Variants in DYNC2I2 observed in about 807,000 individuals in gnomAD.
DYNC2I2 encodes the protein cytoplasmic dynein 2 intermediate chain 2.
In DYNC2I2, 39 loss-of-function variants were observed where a neutral mutation model predicts 52.0. The observed-to-expected ratio is 0.75, with a 90% CI of 0.58 to 0.98. DYNC2I2 has a LOEUF of 0.98. DYNC2I2 is among the 50% of genes least tolerant of loss of function. The probability of loss-of-function intolerance (pLI) is 0.00; values close to 1 mark genes in which losing one functional copy is unlikely to be tolerated. For synonymous variants in DYNC2I2, 359 were observed against 321.1 expected, an observed-to-expected ratio of 1.12 and a Z score of -1.26; for missense variants, 743 against 728.4, an observed-to-expected ratio of 1.02 and a Z score of -0.23.
chr9:128,647,961 C>T (rs1045708743), intron 1 of DYNC2I2, among the ~76,000 whole-genome samples: 3 of 152,080 alleles, frequency 2.0e-5, no homozygotes, highest in African/African-American at 7.2e-5. Context: ...AGAACATCAG[C>T]ACTCCTGCCT....
At chr9:128,668,744 C>T in the DYNC2I2 span, among the ~76,000 whole-genome samples, 1 of 149,888 alleles carries the variant, frequency 6.7e-6, no homozygotes, top group Non-Finnish European at 1.5e-5. Flanking sequence ...CGCTTGATCC[C>T]AGGAGGTAGA....
chr9:128,636,160 G>T, intron 4 of DYNC2I2, 121 bp downstream of exon 4: 4 of 1,430,050 alleles, frequency 2.8e-6, no homozygotes, highest in Non-Finnish European at 3.9e-6. Flanking sequence ...CAGACTGAGA[G>T]GGTCAGGGCC....
chr9:128,674,767 A>T, the DYNC2I2 span, among the ~76,000 whole-genome samples: 1 of 152,206 alleles, frequency 6.6e-6, no homozygotes. Context: ...ATGTCTAGAC[A>T]TGGAGTTTAG....
At chr9:128,638,963 G>A (rs1173814101) in intron 2 of DYNC2I2, among the ~76,000 whole-genome samples, 1 of 152,168 alleles carries the variant, frequency 6.6e-6, no homozygotes, top group Non-Finnish European at 1.5e-5. Context: ...TACAGGCCTT[G>A]TAATGTTCAC....
chr9:128,646,559 T>G (rs1455686971), intron 1 of DYNC2I2, among the ~76,000 whole-genome samples: 1 of 152,152 alleles, frequency 6.6e-6, no homozygotes, highest in African/African-American at 2.4e-5. Context: ...GAATGTGAAC[T>G]AGAAAGAAGT....
At chr9:128,675,087 G>A in the DYNC2I2 span, among the ~76,000 whole-genome samples, 31 of 152,140 alleles carry the variant, frequency 2.0e-4, no homozygotes, top group Non-Finnish European at 2.5e-4. Context: ...TGGTATAGGG[G>A]AGCCAGAAAG....
At chr9:128,666,084 G>GA in the DYNC2I2 span, among the ~76,000 whole-genome samples, 3 of 150,974 alleles carry the variant, frequency 2.0e-5, no homozygotes, top group Non-Finnish European at 4.4e-5. Flanking sequence ...CAAAAAAATA[G>GA]AAAAAAAATG....
Position 128,633,713 on chromosome 9 carries a change from G to A in DYNC2I2, c.*31C>T, listed in dbSNP as rs1277562316. On this transcript the variant is annotated 3_prime_UTR_variant, in exon 9 of 9. Transcript: ENST00000372715. ...CGTCAGAAACACAAGGCTCGGCACA[G>A]CGAAGGCTTGCACCCGCCTCCCGGG... is the stretch of plus-strand genomic sequence containing the variant. The A allele has an allele frequency of 4.4e-6, 7 of 1,596,080 alleles. No homozygotes were observed. The East Asian group carries it at 1.6e-4, about 36-fold the overall frequency.
intron 1 of DYNC2I2, among the ~76,000 whole-genome samples, chr9:128,653,550 TAAA>T (rs111614767): frequency 2.3e-5 from 3 of 128,200 alleles, no homozygotes; most frequent in Admixed American, 7.9e-5. Flanking sequence ...CCACCTCTAC[TAAA>T]AAAAAAAAAA....
At chr9:128,676,826 G>A in the DYNC2I2 span, among the ~76,000 whole-genome samples, 1 of 143,004 alleles carries the variant, frequency 7.0e-6, no homozygotes, top group Non-Finnish European at 1.5e-5. Context: ...AGCCACTATG[G>A]TTGGCCCCAG....
intron 5 of DYNC2I2, 129 bp from the exon 6 acceptor site, chr9:128,635,388 C>T: frequency 8.2e-7 from 1 of 1,220,450 alleles, no homozygotes; most frequent in Non-Finnish European, 1.1e-6. Flanking sequence ...ACCAGGCTCA[C>T]CCACCAGGGG....
rs141778283 is a variant in DYNC2I2 at position 128,644,327 on chromosome 9, A to G, written c.187-3388T>C. Among the ~76,000 whole-genome samples the G allele has an allele frequency of 1.6e-3, 248 of 150,684 alleles. 1 individual carries two copies. Among genetic ancestry groups the G allele is most frequent in the African/African-American group, 5.6e-3 (229 of 40,932 alleles). On this transcript the variant is annotated intron_variant, in intron 1 of 8. Transcript: ENST00000372715. ...ACTCTGTTGCCCAGGCTGGAGTACA[A>G]TGGAGTGGTCATAGCTCATTGCAAT...
the DYNC2I2 span, among the ~76,000 whole-genome samples, chr9:128,668,174 T>C: frequency 6.6e-6 from 1 of 151,906 alleles, no homozygotes; most frequent in Non-Finnish European, 1.5e-5. Flanking sequence ...TTGGCCAGGA[T>C]GGTCTTGATC....
the DYNC2I2 span, among the ~76,000 whole-genome samples, chr9:128,673,891 C>T: frequency 4.6e-5 from 7 of 150,746 alleles, no homozygotes; most frequent in African/African-American, 1.5e-4. Flanking sequence ...TCACCGCAAC[C>T]TCAGCCTCCC....
chr9:128,662,754 A>G, the DYNC2I2 span, among the ~76,000 whole-genome samples: 2 of 152,030 alleles, frequency 1.3e-5, no homozygotes, highest in Non-Finnish European at 2.9e-5. Context: ...TAATTTTTGT[A>G]GGTTTCACCA....
intron 4 of DYNC2I2, 38 bp from the exon 5 acceptor site, chr9:128,635,805 A>C: frequency 6.4e-7 from 1 of 1,558,602 alleles, no homozygotes. Context: ...GCTCAGCCCC[A>C]CCCCCAGCCT....
the DYNC2I2 span, chr9:128,663,024 G>A: frequency 6.6e-6 from 1 of 152,174 alleles, no homozygotes; most frequent in Non-Finnish European, 1.5e-5. Context: ...TCAAACTCCT[G>A]ACCTCAGGTG....
intron 5 of DYNC2I2, 181 bp downstream of exon 5, chr9:128,635,477 G>A (rs1051805104): frequency 2.5e-6 from 2 of 793,066 alleles, no homozygotes; most frequent in African/African-American, 3.5e-5. Context: ...AGAGGAGGCT[G>A]GGAATGGCCA....
At chr9:128,655,468 G>A (rs1860801683) in intron 1 of DYNC2I2, among the ~76,000 whole-genome samples, 1 of 145,312 alleles carries the variant, frequency 6.9e-6, no homozygotes, top group Non-Finnish European at 1.5e-5. Context: ...CAGAGATCGC[G>A]CCATTGCACT....
Sources: allele counts gnomAD v4.1 joint callset (sites outside exome capture counted in the v4.1 genomes callset), GRCh38; gene constraint gnomAD v4.1.1; transcripts MANE v1.5; gene names NCBI Gene and HGNC (gene_info 2026-07-23, HGNC 2026-07-21).